The following FA2H variants were observed in gnomAD, a reference collection of about 807,000 sequenced individuals.
FA2H encodes fatty acid alpha-hydroxylase.
Under a neutral mutation model 44.9 loss-of-function variants are expected in FA2H, and 22 were observed. The observed-to-expected ratio is 0.49, with a 90% CI of 0.35 to 0.70. The LOEUF (loss-of-function observed/expected upper bound fraction) is 0.70, where lower values mean the gene tolerates loss of function less well. Ranked by LOEUF, FA2H falls within the 30% of genes least tolerant of loss-of-function variation. FA2H has a pLI of 0.01. For missense variants in FA2H, 501 were observed against 504.9 expected, an observed-to-expected ratio of 0.99 and a Z score of 0.07; for synonymous variants, 243 against 213.2, an observed-to-expected ratio of 1.14 and a Z score of -1.22.
In FA2H at chr16:74,755,200, G is replaced by T. The variant is rs899271519; in HGVS notation, c.271-15085C>A. ...GGGCTGGGGGGTGTTGGTGGGTGGG[G>T]ATGGAGTCTTGCTCTGTCACCCAGG... On this transcript the variant is annotated intron_variant, in intron 1 of 6. Transcript: ENST00000219368. 4.0e-5 allele frequency among the ~76,000 whole-genome samples: 6 copies of T among 151,848 alleles called. No individual in the cohort carries two copies. The East Asian group carries it at 9.7e-4, about 24-fold the overall frequency.
intron 4 of FA2H, among the ~76,000 whole-genome samples, chr16:74,725,252 T>A (rs1163223355): frequency 6.6e-6 from 1 of 152,132 alleles, no homozygotes; most frequent in Non-Finnish European, 1.5e-5. Context: ...GCCCCTCTCA[T>A]GTCAACCATT....
At chr16:74,726,099 C>G in intron 4 of FA2H, 126 bp downstream of exon 4, 1 of 713,508 alleles carries the variant, frequency 1.4e-6, no homozygotes, top group South Asian at 1.5e-5. Context: ...TACAGAGAGG[C>G]TTCACCAAAA....
intron 1 of FA2H, among the ~76,000 whole-genome samples, chr16:74,741,828 GT>G (rs1224215475): frequency 1.0e-5 from 1 of 96,766 alleles, no homozygotes; most frequent in African/African-American, 3.6e-5. Context: ...GTGTGTGTGT[GT>G]GTGTGTGTAT....
chr16:74,737,659 C>T (rs1470426765), intron 2 of FA2H, among the ~76,000 whole-genome samples: 1 of 152,208 alleles, frequency 6.6e-6, no homozygotes, highest in Non-Finnish European at 1.5e-5. Context: ...GCCAGGACTC[C>T]AGTCTTTGGC....
intron 2 of FA2H, among the ~76,000 whole-genome samples, chr16:74,739,594 C>T (rs539287620): frequency 1.3e-5 from 2 of 152,338 alleles, no homozygotes; most frequent in African/African-American, 4.8e-5. Flanking sequence ...TCCTGCTGGA[C>T]TCAGCAGTCT....
intron 5 of FA2H, among the ~76,000 whole-genome samples, chr16:74,718,368 G>C (rs540206601): frequency 7.2e-5 from 11 of 152,290 alleles, no homozygotes; most frequent in African/African-American, 1.9e-4. Context: ...GAAGCAGCGG[G>C]GGGTACAGGG....
intron 1 of FA2H, among the ~76,000 whole-genome samples, chr16:74,757,219 A>G (rs1277122539): frequency 1.3e-5 from 2 of 152,232 alleles, no homozygotes. Context: ...TTTACTAAAA[A>G]CGTGCAAAAA....
At chr16:74,739,881 G>A in intron 2 of FA2H, 142 bp downstream of exon 2, 1 of 772,504 alleles carries the variant, frequency 1.3e-6, no homozygotes, top group East Asian at 2.4e-5. Context: ...CATGCCTCTG[G>A]GCTGTGGACA....
intron 1 of FA2H, among the ~76,000 whole-genome samples, chr16:74,763,166 C>T (rs1210203010): frequency 6.6e-6 from 1 of 152,126 alleles, no homozygotes; most frequent in Non-Finnish European, 1.5e-5. Context: ...TGTGAGTAAA[C>T]GATGCCATTT....
In FA2H at chr16:74,748,500, CG is replaced by C. The variant is rs377389085; in HGVS notation, c.271-8386del. Among the ~76,000 whole-genome samples, 418 of 152,134 alleles carry C rather than the reference CG, an allele frequency of 2.7e-3. 2 individuals carry two copies. The highest frequency in any genetic ancestry group is 9.4e-3 in the African/African-American group (391 of 41,482). On this transcript the variant is annotated intron_variant, in intron 1 of 6. Transcript: ENST00000219368. The stretch of plus-strand genomic sequence containing the variant: ...ATCTCTCAAGTGATTGCTGGACGGG[CG>C]GGGGGAGCACACAGCAGCCCACTCC...
intron 2 of FA2H, among the ~76,000 whole-genome samples, chr16:74,734,799 C>CG (rs1158869525): frequency 1.3e-5 from 2 of 152,166 alleles, no homozygotes; most frequent in African/African-American, 2.4e-5. Flanking sequence ...ATGTGGTGAG[C>CG]GGGGGCAGGC....
rs1277586355 is a variant in FA2H, at chr16:74,713,068, AAC to A, written c.*1120_*1121del. 2 of 152,682 alleles carry A rather than the reference AAC, an allele frequency of 1.3e-5. No individual in the cohort carries two copies. The highest frequency in any genetic ancestry group is 2.9e-5 in the Non-Finnish European group (2 of 68,052). 9.5% of individuals were successfully genotyped at this position (152,682 alleles called of 1,614,324 possible). On this transcript the variant is annotated 3_prime_UTR_variant, in exon 7 of 7. Coordinates refer to ENST00000219368, the MANE Select transcript of FA2H (RefSeq NM_024306.5). Reference sequence around the variant, plus strand: ...AAAATCTTTAAATAGCTCCGCAGCAAACAGTACAAATCACAAGGTCCGTCAAA... The same window carrying A: ...AAAATCTTTAAATAGCTCCGCAGCAAAGTACAAATCACAAGGTCCGTCAAA...
chr16:74,717,808 C>G (rs529961573), intron 5 of FA2H, among the ~76,000 whole-genome samples: 2 of 152,188 alleles, frequency 1.3e-5, no homozygotes, highest in Non-Finnish European at 2.9e-5. Flanking sequence ...ATGGCCTGAG[C>G]AGGTTCCCAG....
chr16:74,747,950 C>T (rs1962456697), intron 1 of FA2H, among the ~76,000 whole-genome samples: 1 of 152,110 alleles, frequency 6.6e-6, no homozygotes, highest in Admixed American at 6.5e-5. Flanking sequence ...GAGGGGACAA[C>T]CGAGGGAGGC....
intron 2 of FA2H, among the ~76,000 whole-genome samples, chr16:74,730,976 C>A (rs890190730): frequency 1.3e-5 from 2 of 152,144 alleles, no homozygotes; most frequent in African/African-American, 4.8e-5. Flanking sequence ...ACTCCTTCTC[C>A]CGAAGTCCGC....
At chr16:74,741,856 A>ATG (rs1310407237) in intron 1 of FA2H, among the ~76,000 whole-genome samples, 21 of 80,440 alleles carry the variant, frequency 2.6e-4, no homozygotes, top group African/African-American at 9.4e-4. Flanking sequence ...GTATGTGTGT[A>ATG]TGTGTGTGTG....
At chr16:74,760,211 G>A (rs1597569270) in intron 1 of FA2H, among the ~76,000 whole-genome samples, 1 of 152,120 alleles carries the variant, frequency 6.6e-6, no homozygotes, top group African/African-American at 2.4e-5. Flanking sequence ...AGTGACCTCC[G>A]GGCAAGTCAG....
Position 74,765,125 on chromosome 16 carries a change from TTTAACA to T in FA2H, c.270+9355_270+9360del, listed in dbSNP as rs368350655. Among the ~76,000 whole-genome samples, 410 of 152,062 alleles carry T rather than the reference TTTAACA, an allele frequency of 2.7e-3. 2 individuals carry two copies. Among genetic ancestry groups the T allele is most frequent in the Middle Eastern group, 0.01 (3 of 294 alleles). ...CATCCTTTCCATCAACTCCCAACCT[TTTAACA>T]AGACACAGAAAAGAGATTTTTCTTA... On this transcript the variant is annotated intron_variant, in intron 1 of 6. Coordinates refer to ENST00000219368, the MANE Select transcript of FA2H (RefSeq NM_024306.5).
Position 74,714,005 on chromosome 16 carries a change from C to A in FA2H, c.*185G>T, listed in dbSNP as rs1597535901. 4.1e-5 allele frequency: 24 copies of A among 590,222 alleles called. No homozygotes were observed. In the East Asian group the frequency reaches 6.4e-4, roughly 16 times the overall value. 36.6% of individuals were successfully genotyped at this position (590,222 alleles called of 1,614,324 possible). A position where few individuals can be genotyped will look rare whatever the true frequency, so the allele number is the denominator to read the frequency against. ...CTGGCCACCAAGTGGATGTGACCCT[C>A]CTACCAGGGGTCAGGAGGGCGGTCC... On this transcript the variant is annotated 3_prime_UTR_variant, in exon 7 of 7. Coordinates refer to ENST00000219368, the MANE Select transcript of FA2H (RefSeq NM_024306.5).
Sources: gnomAD v4.1 joint callset for allele counts (sites outside exome capture counted in the v4.1 genomes callset) on GRCh38, gnomAD v4.1.1 for gene constraint, MANE v1.5 for transcripts, NCBI Gene and HGNC (gene_info 2026-07-23, HGNC 2026-07-21) for gene names.